The following LYPD6B variants were observed in gnomAD, a reference collection of about 807,000 sequenced individuals.
The protein encoded by LYPD6B is ly6/PLAUR domain-containing protein 6B.
In LYPD6B, 17 loss-of-function variants were observed where a neutral mutation model predicts 22.8. The observed-to-expected ratio is 0.75, with a 90% confidence interval of 0.51 to 1.12. The LOEUF (loss-of-function observed/expected upper bound fraction) is 1.12, where lower values mean the gene tolerates loss of function less well. Ranked by LOEUF, LYPD6B falls within the 50% of genes most tolerant of loss-of-function variation. The probability of loss-of-function intolerance (pLI) is 0.00; values close to 1 mark genes in which losing one functional copy is unlikely to be tolerated. For missense variants in LYPD6B, 221 were observed against 258.3 expected (o/e 0.86, Z 0.99); for synonymous variants, 106 against 91.6 (o/e 1.16, Z -0.90).
intron 3 of LYPD6B, among the ~76,000 whole-genome samples, chr2:149,195,325 T>C (rs949201072): frequency 1.3e-5 from 2 of 152,138 alleles, no homozygotes; most frequent in African/African-American, 4.8e-5. Context: ...AAAGATTTTG[T>C]GAATGAAAAA....
At chr2:149,041,780 C>G (rs963764619) in intron 1 of LYPD6B, among the ~76,000 whole-genome samples, 2 of 152,150 alleles carry the variant, frequency 1.3e-5, no homozygotes, top group Non-Finnish European at 2.9e-5. Context: ...CAGGACTACC[C>G]TGTATTAGAT....
At chr2:149,127,654 T>C (rs537840017) in intron 1 of LYPD6B, among the ~76,000 whole-genome samples, 16 of 152,324 alleles carry the variant, frequency 1.1e-4, no homozygotes, top group African/African-American at 3.8e-4. Flanking sequence ...TTTCTTTAAT[T>C]TTTTGGTGGT....
At chr2:149,157,858 A>G (rs1575083017) in intron 2 of LYPD6B, among the ~76,000 whole-genome samples, 1 of 152,222 alleles carries the variant, frequency 6.6e-6, no homozygotes, top group South Asian at 2.1e-4. Flanking sequence ...GCGGGGATAG[A>G]AACCGATGCT....
At chr2:149,118,585 G>A (rs1481317940) in intron 1 of LYPD6B, among the ~76,000 whole-genome samples, 1 of 152,142 alleles carries the variant, frequency 6.6e-6, no homozygotes, top group Non-Finnish European at 1.5e-5. Context: ...ATCAGAGGGA[G>A]GCAAGAAAAT....
chr2:149,093,881 A>G (rs1240687571), intron 1 of LYPD6B, among the ~76,000 whole-genome samples: 2 of 152,190 alleles, frequency 1.3e-5, no homozygotes, highest in Non-Finnish European at 2.9e-5. Flanking sequence ...TTGGTGATGC[A>G]TTCGCTTCTT....
At chr2:149,062,493 A>G (rs1684134539) in intron 1 of LYPD6B, among the ~76,000 whole-genome samples, 1 of 152,164 alleles carries the variant, frequency 6.6e-6, no homozygotes, top group African/African-American at 2.4e-5. Flanking sequence ...GCTCCAGAGG[A>G]ACCTCTCTCA....
At chr2:149,193,370 T>G (rs1692614859) in intron 3 of LYPD6B, among the ~76,000 whole-genome samples, 1 of 152,202 alleles carries the variant, frequency 6.6e-6, no homozygotes, top group Non-Finnish European at 1.5e-5. Context: ...TTAGGCATTA[T>G]CAAAGAACAC....
rs1242429423 is a variant in LYPD6B at position 149,206,492 on chromosome 2, G to T, written c.229+1088G>T. Among the ~76,000 whole-genome samples, 3 of 151,984 alleles carry T rather than the reference G, an allele frequency of 2.0e-5. No homozygotes were observed. The East Asian group carries it at 5.8e-4, about 29-fold the overall frequency. ...TCTAAATTGGTAATAATTGTATACT[G>T]ATAGCTGAAAGACATGGCACAGACA... On this transcript the variant is annotated intron_variant, in intron 4 of 6. Transcript: ENST00000409642.
In LYPD6B at chr2:149,213,055, A is replaced by C; in HGVS notation, c.392A>C (p.Lys131Thr). 6.2e-7 allele frequency: 1 copy of C among 1,613,968 alleles called. No individual in the cohort carries two copies. The highest frequency in any genetic ancestry group is 8.5e-7 in the Non-Finnish European group (1 of 1,179,862). The change falls in exon 6 of 7, where the codon AAA becomes ACA. Residue 131 changes from lysine to threonine, a missense_variant. Transcript: ENST00000409642. ...CACGGAAGAAGCACATCCATCACCA[A>C]AAAGTGTGCCTCCAGAAGTGAATGT... ...TSHGRSTSIT[K>T]KCASRSECHF...
chr2:149,068,922 G>C, intron 1 of LYPD6B: 1 of 264,478 alleles, frequency 3.8e-6, no homozygotes, highest in South Asian at 4.5e-5. Context: ...TTGGCTGATG[G>C]GGTCTTCTAA....
At chr2:149,074,403 C>T (rs1422554659) in intron 1 of LYPD6B, among the ~76,000 whole-genome samples, 1 of 152,272 alleles carries the variant, frequency 6.6e-6, no homozygotes, top group Middle Eastern at 3.4e-3. Context: ...AATTATAGCA[C>T]ATATCAGCCT....
At chr2:149,130,639 A>T (rs1406265200) in intron 1 of LYPD6B, among the ~76,000 whole-genome samples, 2 of 152,162 alleles carry the variant, frequency 1.3e-5, no homozygotes, top group Non-Finnish European at 2.9e-5. Context: ...TAATTCTTGC[A>T]GACACTAAAA....
rs374776574 is a variant in LYPD6B at position 149,160,818 on chromosome 2, C to T, written c.60C>T (p.Thr20=). 3 of 1,554,106 alleles carry T rather than the reference C, an allele frequency of 1.9e-6. No homozygotes were observed. The African/African-American group carries it at 4.1e-5, about 21-fold the overall frequency. Residue 20 remains threonine, a synonymous_variant, in exon 3 of 7, where the codon ACC becomes ACT. Transcript: ENST00000409642. ...LFTVPERSLT[T]TFSFSRYKSS... ...CTGTTCCAGAGAGGAGCCTGACAAC[C>T]ACATTCTCCTTCTCAAGGTAAGAAT...
intron 4 of LYPD6B, 59 bp downstream of exon 4, chr2:149,205,463 AGCCCCC>A (rs1184381536): frequency 6.5e-7 from 1 of 1,537,208 alleles, no homozygotes; most frequent in African/African-American, 1.4e-5. Context: ...GTTAATATGA[AGCCCCC>A]TTTTCCATTT....
intron 2 of LYPD6B, among the ~76,000 whole-genome samples, chr2:149,145,861 C>T (rs1003984288): frequency 1.3e-5 from 2 of 152,136 alleles, no homozygotes; most frequent in East Asian, 1.9e-4. Flanking sequence ...TGGGAAGGTG[C>T]ACAAGGTTTG....
intron 3 of LYPD6B, among the ~76,000 whole-genome samples, chr2:149,171,481 AT>A (rs1690816490): frequency 6.6e-6 from 1 of 151,218 alleles, no homozygotes; most frequent in Non-Finnish European, 1.5e-5. Flanking sequence ...AAGGATAGGA[AT>A]TCTGTTTTTC....
chr2:149,147,600 A>G (rs1401181444), intron 2 of LYPD6B, among the ~76,000 whole-genome samples: 2 of 151,986 alleles, frequency 1.3e-5, no homozygotes, highest in Non-Finnish European at 2.9e-5. Context: ...TGCAGCCTCT[A>G]CCTTCCAGGT....
At chr2:149,213,161 T>A (rs1287529138) in intron 6 of LYPD6B, 39 bp downstream of exon 6, 3 of 1,609,866 alleles carry the variant, frequency 1.9e-6, no homozygotes, top group Non-Finnish European at 2.5e-6. Flanking sequence ...TAAACTTTCA[T>A]CCTAGTAATG....
At chr2:149,044,074 C>G (rs1304593373) in intron 1 of LYPD6B, among the ~76,000 whole-genome samples, 2 of 152,004 alleles carry the variant, frequency 1.3e-5, no homozygotes, top group African/African-American at 2.4e-5. Flanking sequence ...GGCCCTCCAA[C>G]TTTATTCTTT....
Sources: allele counts gnomAD v4.1 joint callset (sites outside exome capture counted in the v4.1 genomes callset), GRCh38; gene constraint gnomAD v4.1.1; transcripts MANE v1.5; gene names NCBI Gene and HGNC (gene_info 2026-07-23, HGNC 2026-07-21).